Variants in KRT4 observed in about 807,000 individuals in gnomAD.
KRT4 encodes the protein keratin, type II cytoskeletal 4.
KRT4 carries 47 observed loss-of-function variants against 50.6 expected under a neutral mutation model. The observed-to-expected ratio is 0.93, with a 90% confidence interval of 0.73 to 1.18. KRT4 has a LOEUF of 1.18. KRT4 is among the 50% of genes most tolerant of loss of function. The pLI, the probability that KRT4 is intolerant of heterozygous loss-of-function variation, is 0.00. For missense variants in KRT4, 651 were observed against 645.7 expected (o/e 1.01, Z -0.09); for synonymous variants, 254 against 251.2 (o/e 1.01, Z -0.10).
Position 52,813,700 on chromosome 12 carries a change from G to GT in KRT4, c.358dup (p.Thr120AsnfsTer8). On this transcript the variant is annotated frameshift_variant, in exon 1 of 9. Transcript: ENST00000551956. LOFTEE classifies it high-confidence loss of function. ...AGGGTCAATCTCCACGTGGAGGGGG[G>GT]TGAGCAAGCTCTGGTTGATGGTGAC... 1 of 1,614,110 alleles carries GT rather than the reference G, an allele frequency of 6.2e-7. No homozygotes were observed. Among genetic ancestry groups the GT allele is most frequent in the Non-Finnish European group, 8.5e-7 (1 of 1,179,946 alleles).
chr12:52,808,322 C>A lies in KRT4; in HGVS notation c.1097G>T (p.Arg366Leu). ...CTTCTTGATGTTCTCGATCTCTGCC[C>A]GCAGCCTCTGGATCATCCTGTTGAG... ...AELNRMIQRL[R>L]AEIENIKKQC... Residue 366 changes from arginine to leucine, a missense_variant, in exon 6 of 9, where the codon CGG becomes CTG. Coordinates refer to ENST00000551956, the MANE Select transcript of KRT4 (RefSeq NM_002272.4). 1 of 1,614,060 alleles carries A rather than the reference C, an allele frequency of 6.2e-7. No individual in the cohort carries two copies. Among genetic ancestry groups the A allele is most frequent in the South Asian group, 1.1e-5 (1 of 91,062 alleles).
In KRT4 at chr12:52,807,874, A is replaced by G; in HGVS notation, c.1126-10T>C. 1 of 1,612,352 alleles carries G rather than the reference A, an allele frequency of 6.2e-7. No homozygotes were observed. The highest frequency in any genetic ancestry group is 8.5e-7 in the Non-Finnish European group (1 of 1,179,606). On this transcript the variant is annotated splice_polypyrimidine_tract_variant and intron_variant, in intron 6 of 8. Transcript: ENST00000551956. The stretch of plus-strand genomic sequence containing the variant: ...CCTGAAGAGTCTGGCACTATTGACA[A>G]AGGCATTAGATAGGTGGTCAGCAGT...
Position 52,806,808 on chromosome 12 carries a change from A to C in KRT4, c.*261T>G. On this transcript the variant is annotated 3_prime_UTR_variant, in exon 9 of 9. Coordinates refer to ENST00000551956, the MANE Select transcript of KRT4 (RefSeq NM_002272.4). ...GGTCATTTTCTTCTCTGTCCATGGG[A>C]GGTGAGAGGTCAGCTGACATCCTTC... The C allele has an allele frequency of 1.8e-6, 1 of 555,508 alleles. No individual in the cohort carries two copies. The allele number at this position is 555,508 out of a possible 1,614,324, so 34.4% of individuals were successfully genotyped here. A position where few individuals can be genotyped will look rare whatever the true frequency, so the allele number is the denominator to read the frequency against.
chr12:52,808,694 G>T lies in KRT4; in HGVS notation c.991C>A (p.Gln331Lys). ...RSKAEAEALY[Q>K]TKVQQLQISV... ...AGATCCATACCACCCACCTTGGTCT[G>T]GTACAGGGCTTCAGCCTCAGCCTTG... is the stretch of plus-strand genomic sequence containing the variant. Residue 331 changes from glutamine to lysine, a missense_variant, in exon 5 of 9, where the codon CAG (glutamine) becomes AAG (lysine). Physicochemically the swap from Gln to Lys is moderately conservative, Grantham distance 53. Coordinates refer to ENST00000551956, the MANE Select transcript of KRT4 (RefSeq NM_002272.4). 6.2e-7 allele frequency: 1 copy of T among 1,614,178 alleles called. No individual in the cohort carries two copies.
chr12:52,806,713 T>C lies in KRT4; in HGVS notation c.*356A>G, dbSNP rs551999275. The C allele has an allele frequency of 4.9e-5, 18 of 368,852 alleles. No individual in the cohort carries two copies. Among genetic ancestry groups the C allele is most frequent in the South Asian group, 4.4e-4 (18 of 41,360 alleles). 22.8% of individuals were successfully genotyped at this position (368,852 alleles called of 1,614,324 possible). On this transcript the variant is annotated 3_prime_UTR_variant, in exon 9 of 9. Transcript: ENST00000551956. ...TCTGATGTAGATGGATAATACAGGA[T>C]CTAGTGGGAGATGGCATTGGACTGG...
chr12:52,812,004 T>C, intron 1 of KRT4, 27 bp from the exon 2 acceptor site: 3 of 1,581,102 alleles, frequency 1.9e-6, no homozygotes, highest in Middle Eastern at 1.9e-4. Context: ...ACCAGCCAAG[T>C]GATGAGGGCC....
At chr12:52,812,782 CAAG>C (rs1939934911) in intron 1 of KRT4, among the ~76,000 whole-genome samples, 1 of 152,212 alleles carries the variant, frequency 6.6e-6, no homozygotes, top group Non-Finnish European at 1.5e-5. Context: ...TTCAAACTAG[CAAG>C]AAGAACAAAT....
Position 52,808,334 on chromosome 12 carries a change from A to G in KRT4, c.1085T>C (p.Ile362Thr). ...KSEIAELNRM[I>T]QRLRAEIENI... ...CTCGATCTCTGCCCGCAGCCTCTGG[A>G]TCATCCTGTTGAGCTCTGCAATTTC... Residue 362 changes from isoleucine to threonine, a missense_variant, in exon 6 of 9, where the codon ATC becomes ACC. Coordinates refer to ENST00000551956, the MANE Select transcript of KRT4 (RefSeq NM_002272.4). 4 of 1,614,088 alleles carry G rather than the reference A, an allele frequency of 2.5e-6. No individual in the cohort carries two copies. The highest frequency in any genetic ancestry group is 2.5e-6 in the Non-Finnish European group (3 of 1,180,018).
Position 52,809,401 on chromosome 12 carries a change from C to A in KRT4, c.816G>T (p.Leu272=). ...VDSLNDEINF[L]KVLYDAELSQ... ...CCCTCACCGCATCATAGAGGACCTTCAGGAAGTTGATCTCGTCATTAAGAC... is the reference window on the plus strand; with the variant it reads ...CCCTCACCGCATCATAGAGGACCTTAAGGAAGTTGATCTCGTCATTAAGAC... The change falls in exon 4 of 9, where the codon CTG becomes CTT. Residue 272 remains leucine (L), a synonymous_variant. Coordinates refer to ENST00000551956, the MANE Select transcript of KRT4 (RefSeq NM_002272.4). The A allele has an allele frequency of 6.2e-7, 1 of 1,613,892 alleles. No homozygotes were observed. Among genetic ancestry groups the A allele is most frequent in the Non-Finnish European group, 8.5e-7 (1 of 1,179,734 alleles).
rs1426350825 is a variant in KRT4, at chr12:52,808,988, G to A, written c.835-138C>T. The A allele has an allele frequency of 4.3e-6, 4 of 934,240 alleles. No homozygotes were observed. The Admixed American group carries it at 7.8e-5, about 18-fold the overall frequency. The allele number at this position is 934,240 out of a possible 1,614,324, so 57.9% of individuals were successfully genotyped here. A position where few individuals can be genotyped will look rare whatever the true frequency, so the allele number is the denominator to read the frequency against. ...GTAAAGTTCTAAGGAGAAATCAAGTGGTTGTGACAGTTCAGGATGGAAGAG... is the reference window on the plus strand; with the variant it reads ...GTAAAGTTCTAAGGAGAAATCAAGTAGTTGTGACAGTTCAGGATGGAAGAG... On this transcript the variant is annotated intron_variant, in intron 4 of 8. Transcript: ENST00000551956.
At chr12:52,810,069 T>C (rs760384591) in intron 3 of KRT4, among the ~76,000 whole-genome samples, 1 of 151,198 alleles carries the variant, frequency 6.6e-6, no homozygotes, top group Non-Finnish European at 1.5e-5. Context: ...CATGTGGACA[T>C]AGAGCATGGA....
In KRT4 at chr12:52,806,959, A is replaced by G. The variant is rs1379859105; in HGVS notation, c.*110T>C. ...GAGCCCATGGGATAGTGGAGGGGAT[A>G]CTAGTAAGATGAGCCCCAGAGACAG... On this transcript the variant is annotated 3_prime_UTR_variant, in exon 9 of 9. Transcript: ENST00000551956. 8 of 1,016,414 alleles carry G rather than the reference A, an allele frequency of 7.9e-6. No individual in the cohort carries two copies. The African/African-American group carries it at 9.4e-5, about 12-fold the overall frequency. The allele number at this position is 1,016,414 out of a possible 1,614,324, so 63.0% of individuals were successfully genotyped here.
At chr12:52,808,069 CA>C (rs2121245489) in intron 6 of KRT4, among the ~76,000 whole-genome samples, 1 of 152,260 alleles carries the variant, frequency 6.6e-6, no homozygotes, top group South Asian at 2.1e-4. Context: ...TAAAAATGAG[CA>C]AAAACCCATG....
rs201008729 is a variant in KRT4, at chr12:52,813,699, G to T, written c.360C>A (p.Thr120=). 2 of 1,412,240 alleles carry T rather than the reference G, an allele frequency of 1.4e-6. No homozygotes were observed. Among genetic ancestry groups the T allele is most frequent in the Non-Finnish European group, 1.9e-6 (2 of 1,073,400 alleles). The allele number at this position is 1,412,240 out of a possible 1,614,324, so 87.5% of individuals were successfully genotyped here. A position where few individuals can be genotyped will look rare whatever the true frequency, so the allele number is the denominator to read the frequency against. The change falls in exon 1 of 9, where the codon ACC becomes ACA. Residue 120 remains threonine (T), a synonymous_variant. Transcript: ENST00000551956. The part of the protein sequence containing the change: ...QEVTINQSLL[T]PLHVEIDPEI... ...CAGGGTCAATCTCCACGTGGAGGGG[G>T]GTGAGCAAGCTCTGGTTGATGGTGA...
Position 52,813,845 on chromosome 12 carries a change from C to G in KRT4, c.214G>C (p.Ala72Pro), listed in dbSNP as rs770823399. Reference sequence around the variant, plus strand: ...AAGCCTCCAGCACCCCCAAAGCAGGCACCTTGTCGTGACCCAGCCACACTC... The same window carrying G: ...AAGCCTCCAGCACCCCCAAAGCAGGGACCTTGTCGTGACCCAGCCACACTC... ...SMSVAGSRQG[A>P]CFGGAGGFGT... Residue 72 changes from alanine to proline, a missense_variant, in exon 1 of 9, where the codon GCC (alanine) becomes CCC (proline). Coordinates refer to ENST00000551956, the MANE Select transcript of KRT4 (RefSeq NM_002272.4). 8.7e-6 allele frequency: 14 copies of G among 1,614,002 alleles called. 1 individual carries two copies. Among genetic ancestry groups the G allele is most frequent in the Middle Eastern group, 3.3e-4 (2 of 6,084 alleles).
In KRT4 at chr12:52,813,222, A is replaced by G. The variant is rs1350013361; in HGVS notation, c.462+375T>C. ...AGTTGTCTTCTGTTCTAAGAACAGA[A>G]GTGGCCACTGTTAAGTGATTAATGG... On this transcript the variant is annotated intron_variant, in intron 1 of 8. Coordinates refer to ENST00000551956, the MANE Select transcript of KRT4 (RefSeq NM_002272.4). 2.0e-5 allele frequency among the ~76,000 whole-genome samples: 3 copies of G among 152,204 alleles called. No individual in the cohort carries two copies. In the South Asian group the frequency reaches 6.2e-4, roughly 31 times the overall value.
chr12:52,809,360 G>A, intron 4 of KRT4, 23 bp downstream of exon 4: 1 of 1,544,728 alleles, frequency 6.5e-7, no homozygotes. Flanking sequence ...TTCCCTGGAT[G>A]GAGGGGAGGA....
chr12:52,811,664 T>A, intron 2 of KRT4, 99 bp downstream of exon 2: 1 of 999,030 alleles, frequency 1.0e-6, no homozygotes, highest in African/African-American at 1.6e-5. Context: ...CTAGACGCCT[T>A]CAGAGCCTGA....
At chr12:52,810,501 C>T (rs113416077) in intron 3 of KRT4, among the ~76,000 whole-genome samples, 8 of 152,058 alleles carry the variant, frequency 5.3e-5, no homozygotes, top group Admixed American at 3.9e-4. Flanking sequence ...GACCCAAGAT[C>T]GCGCCATTGC....
Sources: allele counts gnomAD v4.1 joint callset (sites outside exome capture counted in the v4.1 genomes callset), GRCh38; gene constraint gnomAD v4.1.1; transcripts MANE v1.5; gene names NCBI Gene and HGNC (gene_info 2026-07-23, HGNC 2026-07-21).